Variants in SLC26A2 observed in about 807,000 individuals in gnomAD.
SLC26A2 encodes sulfate transporter.
A neutral mutation model predicts 41.1 loss-of-function variants in SLC26A2; 36 were observed. That is an observed-to-expected ratio of 0.88 (90% CI 0.67 to 1.16). SLC26A2 has a LOEUF of 1.16. Ranked by LOEUF, SLC26A2 falls within the 50% of genes most tolerant of loss-of-function variation. The probability of loss-of-function intolerance (pLI) is 0.00; values close to 1 mark genes in which losing one functional copy is unlikely to be tolerated. For missense variants in SLC26A2, 796 were observed against 869.6 expected (o/e 0.92, Z 1.07); for synonymous variants, 291 against 311.6 (o/e 0.93, Z 0.70).
At chr5:149,974,650 C>G (rs930497695) in intron 1 of SLC26A2, among the ~76,000 whole-genome samples, 3 of 149,224 alleles carry the variant, frequency 2.0e-5, no homozygotes, top group Non-Finnish European at 4.4e-5. Context: ...GTCTTGATCT[C>G]TTGACCTTGT....
intron 1 of SLC26A2, among the ~76,000 whole-genome samples, chr5:149,967,421 C>T (rs1388595876): frequency 3.9e-5 from 6 of 151,908 alleles, no homozygotes; most frequent in Admixed American, 2.0e-4. Context: ...CTTCCTATCC[C>T]GAAATAGCCA....
At chr5:149,965,416 G>A (rs781529084) in intron 1 of SLC26A2, among the ~76,000 whole-genome samples, 4 of 139,886 alleles carry the variant, frequency 2.9e-5, no homozygotes, top group Non-Finnish European at 6.1e-5. Context: ...GGAGATGGAG[G>A]TTGCAGTGAG....
chr5:149,980,631 C>G lies in SLC26A2; in HGVS notation c.1038C>G (p.Ala346=). The change falls in exon 3 of 3, where the codon GCC becomes GCG. Residue 346 remains alanine (A), a synonymous_variant. Transcript: ENST00000286298. ...TTGTTGTTGTAGCAGCCACATTAGC[C>G]TCTCATTTTGGAAAACTACATGAAA... The part of the protein sequence containing the change: ...ELVVVVAATL[A]SHFGKLHENY... The G allele has an allele frequency of 1.2e-6, 2 of 1,614,076 alleles. No homozygotes were observed. Among genetic ancestry groups the G allele is most frequent in the Non-Finnish European group, 1.7e-6 (2 of 1,179,938 alleles).
rs750787549 is a variant in SLC26A2, at chr5:149,978,270, T to G, written c.618T>G (p.His206Gln). The G allele has an allele frequency of 6.2e-7, 1 of 1,614,164 alleles. No homozygotes were observed. Among genetic ancestry groups the G allele is most frequent in the South Asian group, 1.1e-5 (1 of 91,082 alleles). Reference protein sequence around the residue: ...MVSNGSTLLNHTSDRICDKSC... With the variant: ...MVSNGSTLLNQTSDRICDKSC... ...CAAATGGGAGCACATTATTAAATCA[T>G]ACATCAGACAGGATATGTGACAAAA... The change falls in exon 2 of 3, where the codon CAT becomes CAG. Residue 206 changes from histidine (H) to glutamine (Q), a missense_variant. Physicochemically the swap from His to Gln is conservative, Grantham distance 24. Transcript: ENST00000286298.
At chr5:149,968,980 G>A (rs148445444) in intron 1 of SLC26A2, among the ~76,000 whole-genome samples, 1,684 of 151,368 alleles carry the variant, frequency 0.011, 28 homozygotes, top group African/African-American at 0.038. Flanking sequence ...GACCTCAAGC[G>A]ATTCACCCGC....
intron 1 of SLC26A2, among the ~76,000 whole-genome samples, chr5:149,972,032 C>G (rs1184882325): frequency 6.6e-6 from 1 of 152,174 alleles, no homozygotes; most frequent in Non-Finnish European, 1.5e-5. Context: ...TCTTTTCCTC[C>G]AACATTAGAA....
intron 1 of SLC26A2, among the ~76,000 whole-genome samples, chr5:149,968,970 G>C (rs770176064): frequency 1.7e-4 from 25 of 147,002 alleles, no homozygotes; most frequent in Non-Finnish European, 3.0e-4. Flanking sequence ...TCGAACTCCT[G>C]ACCTCAAGCG....
intron 1 of SLC26A2, among the ~76,000 whole-genome samples, chr5:149,970,079 T>C (rs1230190832): frequency 6.6e-6 from 1 of 152,230 alleles, no homozygotes; most frequent in Non-Finnish European, 1.5e-5. Flanking sequence ...ATAGTTTTGC[T>C]TATAAGTAAT....
At chr5:149,972,826 T>TC (rs11411123) in intron 1 of SLC26A2, among the ~76,000 whole-genome samples, 12,338 of 152,246 alleles carry the variant, frequency 0.081, 1,621 homozygotes, top group African/African-American at 0.28. Context: ...CTGGCTGTCT[T>TC]CGTTTGTTCC....
chr5:149,979,939 C>T lies in SLC26A2; in HGVS notation c.700-354C>T, dbSNP rs536962130. Among the ~76,000 whole-genome samples the T allele has an allele frequency of 1.1e-3, 162 of 151,754 alleles. 1 individual carries two copies. Among genetic ancestry groups the T allele is most frequent in the Admixed American group, 2.0e-3 (31 of 15,214 alleles). ...CCAATTTGAAGTTTTCTTGTGGATCCTTGAGAATGTTTTTCTTTTAAAAGA... is the reference window on the plus strand; with the variant it reads ...CCAATTTGAAGTTTTCTTGTGGATCTTTGAGAATGTTTTTCTTTTAAAAGA... On this transcript the variant is annotated intron_variant, in intron 2 of 2. Coordinates refer to ENST00000286298, the MANE Select transcript of SLC26A2 (RefSeq NM_000112.4).
At position 149,987,066 on chromosome 5, in the gene SLC26A2, G is replaced by A. The variant is rs1755211295; in HGVS notation, c.*5253G>A. On this transcript the variant is annotated 3_prime_UTR_variant, in exon 3 of 3. Transcript: ENST00000286298. ...ACAGGTGAATGAACTTAAATTCTCA[G>A]TCTTGTCTATTCACCAAAAAAGTAT... 1 of 152,106 alleles carries A rather than the reference G, an allele frequency of 6.6e-6. No individual in the cohort carries two copies. The highest frequency in any genetic ancestry group is 2.4e-5 in the African/African-American group (1 of 41,420). 9.4% of individuals were successfully genotyped at this position (152,106 alleles called of 1,614,324 possible). A position where few individuals can be genotyped will look rare whatever the true frequency, so the allele number is the denominator to read the frequency against.
At position 149,985,372 on chromosome 5, in the gene SLC26A2, CA is replaced by C. The variant is rs1451237193; in HGVS notation, c.*3561del. On this transcript the variant is annotated 3_prime_UTR_variant, in exon 3 of 3. Transcript: ENST00000286298. ...TAGATAGTCTGACTTTGCTTTTGAA[CA>C]ACAGACATTGCAAGTCAAAATTGTT... 1.3e-5 allele frequency: 2 copies of C among 152,136 alleles called. No homozygotes were observed. The highest frequency in any genetic ancestry group is 3.8e-4 in the East Asian group (2 of 5,198). 9.4% of individuals were successfully genotyped at this position (152,136 alleles called of 1,614,324 possible).
Position 149,977,636 on chromosome 5 carries a change from A to C in SLC26A2, c.-17A>C. 1 of 1,563,506 alleles carries C rather than the reference A, an allele frequency of 6.4e-7. No homozygotes were observed. Among genetic ancestry groups the C allele is most frequent in the Non-Finnish European group, 8.8e-7 (1 of 1,134,204 alleles). On this transcript the variant is annotated 5_prime_UTR_variant, in exon 2 of 3. Transcript: ENST00000286298. The stretch of plus-strand genomic sequence containing the variant: ...TATTTTCTCTGGTGTAGGAAGCTGA[A>C]CCATCTATCTCCAGAAATGTCTTCA...
In SLC26A2 at chr5:149,980,354, G is replaced by A. The variant is rs1190457980; in HGVS notation, c.761G>A (p.Ser254Asn). ...VSVYLSDALL[S>N]GFVTGASFTI... ...GTCTACCTCTCAGATGCCTTGCTGA[G>A]TGGATTTGTCACTGGTGCCTCCTTC... The change falls in exon 3 of 3, where the codon AGT becomes AAT. Residue 254 changes from serine (S) to asparagine (N), a missense_variant. Ser to Asn is a conservative substitution (Grantham distance 46, BLOSUM62 1). Coordinates refer to ENST00000286298, the MANE Select transcript of SLC26A2 (RefSeq NM_000112.4). The A allele has an allele frequency of 6.2e-7, 1 of 1,614,138 alleles. No individual in the cohort carries two copies. Among genetic ancestry groups the A allele is most frequent in the South Asian group, 1.1e-5 (1 of 91,076 alleles).
chr5:149,962,022 T>C (rs1754721405), intron 1 of SLC26A2: 1 of 152,216 alleles, frequency 6.6e-6, no homozygotes, highest in Non-Finnish European at 1.5e-5. Context: ...TACAGTGAAG[T>C]TTTACAAAAC....
rs779527254 is a variant in SLC26A2 at position 149,977,766 on chromosome 5, C to T, written c.114C>T (p.Asp38=). 3 of 1,613,864 alleles carry T rather than the reference C, an allele frequency of 1.9e-6. No homozygotes were observed. In the African/African-American group the frequency reaches 4.0e-5, roughly 22 times the overall value. The change falls in exon 2 of 3, where the codon GAC becomes GAT. Residue 38 remains aspartate, a synonymous_variant. Coordinates refer to ENST00000286298, the MANE Select transcript of SLC26A2 (RefSeq NM_000112.4). ...AACTTCAAAGGGAATCAAGTACTGA[C>T]TTCAAGCAATTTGAGACCAATGATC... The part of the protein sequence containing the change: ...HLELQRESST[D]FKQFETNDQC...
rs770596928 is a variant in SLC26A2, at chr5:149,980,452, A to C, written c.859A>C (p.Ile287Leu). The C allele has an allele frequency of 6.2e-7, 1 of 1,614,118 alleles. No individual in the cohort carries two copies. Among genetic ancestry groups the C allele is most frequent in the South Asian group, 1.1e-5 (1 of 91,080 alleles). The change falls in exon 3 of 3, where the codon ATC (isoleucine) becomes CTC (leucine). Residue 287 changes from isoleucine to leucine, a missense_variant. By Grantham distance (5) the Ile-to-Leu change is conservative (BLOSUM62 2). Transcript: ENST00000286298. The part of the protein sequence containing the change: ...LPRTNGVGSL[I>L]TTWIHVFRNI... ...TCGGACTAATGGTGTGGGCTCACTC[A>C]TCACTACCTGGATACATGTCTTCAG...
At chr5:149,966,906 TG>T (rs1754814962) in intron 1 of SLC26A2, among the ~76,000 whole-genome samples, 1 of 152,234 alleles carries the variant, frequency 6.6e-6, no homozygotes, top group Non-Finnish European at 1.5e-5. Context: ...TGTGTGTGTC[TG>T]GGGACTTAAG....
In SLC26A2 at chr5:149,980,752, A is replaced by T. The variant is rs147953424; in HGVS notation, c.1159A>T (p.Ile387Leu). The change falls in exon 3 of 3, where the codon ATA (isoleucine) becomes TTA (leucine). Residue 387 changes from isoleucine to leucine, a missense_variant. Coordinates refer to ENST00000286298, the MANE Select transcript of SLC26A2 (RefSeq NM_000112.4). ...NLIPSVAVDAIAISIIGFAIT... is the reference protein window; with the variant it reads ...NLIPSVAVDALAISIIGFAIT... ...AATTCCTAGTGTGGCTGTAGATGCA[A>T]TAGCTATTTCCATCATTGGTTTTGC... 1 of 1,613,996 alleles carries T rather than the reference A, an allele frequency of 6.2e-7. No individual in the cohort carries two copies. The highest frequency in any genetic ancestry group is 8.5e-7 in the Non-Finnish European group (1 of 1,179,956).
Sources: gnomAD v4.1 joint callset for allele counts (sites outside exome capture counted in the v4.1 genomes callset) on GRCh38, gnomAD v4.1.1 for gene constraint, MANE v1.5 for transcripts, NCBI Gene and HGNC (gene_info 2026-07-23, HGNC 2026-07-21) for gene names.